VWA3B: variants seen among roughly 807,000 people sequenced by gnomAD.
VWA3B encodes the protein von Willebrand factor A domain containing 3B, also known as von Willebrand factor A domain-containing protein 3B.
Under a neutral mutation model 158.3 loss-of-function variants are expected in VWA3B, and 138 were observed. That is an observed-to-expected ratio of 0.87 (90% confidence interval 0.76 to 1.00). The LOEUF (loss-of-function observed/expected upper bound fraction) is 1.00. VWA3B is among the 50% of genes least tolerant of loss of function. The probability of loss-of-function intolerance (pLI) is 0.00; values close to 1 mark genes in which losing one functional copy is unlikely to be tolerated. For missense variants in VWA3B, 1,555 were observed against 1,565.1 expected (o/e 0.99, Z 0.11); for synonymous variants, 596 against 587.3 (o/e 1.01, Z -0.21).
At chr2:98,299,700 T>G (rs1690056002) in intron 24 of VWA3B, among the ~76,000 whole-genome samples, 1 of 152,220 alleles carries the variant, frequency 6.6e-6, no homozygotes, top group Non-Finnish European at 1.5e-5. Context: ...ACCTCTCCCT[T>G]TCTACGTCTT....
chr2:98,161,238 C>T (rs1424732014), intron 7 of VWA3B, among the ~76,000 whole-genome samples: 2 of 152,268 alleles, frequency 1.3e-5, no homozygotes, highest in Non-Finnish European at 2.9e-5. Context: ...CACCCAGATA[C>T]ACTCCCTTGC....
chr2:98,152,111 C>T (rs1041559271), intron 7 of VWA3B, among the ~76,000 whole-genome samples: 1 of 152,160 alleles, frequency 6.6e-6, no homozygotes, highest in African/African-American at 2.4e-5. Flanking sequence ...TAGGAGTAGG[C>T]CGCAGGGGCC....
intron 22 of VWA3B, among the ~76,000 whole-genome samples, chr2:98,272,873 C>T (rs912227766): frequency 6.6e-6 from 1 of 152,124 alleles, no homozygotes; most frequent in African/African-American, 2.4e-5. Context: ...TAAAGGAATT[C>T]CTTTTTAAAG....
rs762107518 is a variant in VWA3B, at chr2:98,303,736, G to A, written c.3455G>A (p.Ser1152Asn). The A allele has an allele frequency of 1.9e-6, 3 of 1,614,140 alleles. No homozygotes were observed. Among genetic ancestry groups the A allele is most frequent in the Admixed American group, 1.7e-5 (1 of 60,020 alleles). Residue 1152 changes from serine (S) to asparagine (N), a missense_variant, in exon 26 of 28, where the codon AGC becomes AAC. Physicochemically the swap from Ser to Asn is conservative, Grantham distance 46. Transcript: ENST00000477737. The stretch of plus-strand genomic sequence containing the variant: ...CCTCGGAGTGCACTTATTAAGATCA[G>A]CCAAAACAAGTATGCGCTCTCTTGC... Reference protein sequence around the residue: ...FCPRSALIKISQNKYALSCSH... With the variant: ...FCPRSALIKINQNKYALSCSH...
intron 2 of VWA3B, among the ~76,000 whole-genome samples, chr2:98,099,071 T>C (rs1478660694): frequency 6.6e-6 from 1 of 152,212 alleles, no homozygotes; most frequent in Non-Finnish European, 1.5e-5. Context: ...TAGTTATTAT[T>C]ATTAATAGTT....
At position 98,162,967 on chromosome 2, in the gene VWA3B, G is replaced by T. The variant is rs1330929221; in HGVS notation, c.1105G>T (p.Val369Leu). The T allele has an allele frequency of 4.3e-5, 69 of 1,614,030 alleles. No homozygotes were observed. The highest frequency in any genetic ancestry group is 5.5e-5 in the Non-Finnish European group (65 of 1,180,036). ...AEPPKPDVAT[V>L]DCESETTSVE... ...GCCTCCCAAGCCCGACGTGGCCACT[G>T]TGGACTGCGGTTGGTGCTATTTCTG... is the stretch of plus-strand genomic sequence containing the variant. Residue 369 changes from valine (V) to leucine (L), a missense_variant, in exon 8 of 28, where the codon GTG becomes TTG. By Grantham distance (32) the Val-to-Leu change is conservative. Transcript: ENST00000477737.
In VWA3B at chr2:98,187,656, CTCTGTG is replaced by C. The variant is rs1489419555; in HGVS notation, c.1312-311_1312-306del. 1.7e-3 allele frequency among the ~76,000 whole-genome samples: 214 copies of C among 125,394 alleles called. 1 individual carries two copies. Among genetic ancestry groups the C allele is most frequent in the African/African-American group, 6.5e-3 (202 of 30,866 alleles). The allele number at this position is 125,394 out of a possible 152,430, so 82.3% of individuals were successfully genotyped here. A position where few individuals can be genotyped will look rare whatever the true frequency, so the allele number is the denominator to read the frequency against. On this transcript the variant is annotated intron_variant, in intron 9 of 27. Coordinates refer to ENST00000477737, the MANE Select transcript of VWA3B (RefSeq NM_144992.5). ...TCTCTCTCTCCCTCTCCCTCTCCGT[CTCTGTG>C]TCTGTGTGTGTGTGTGTGTGTGTGT...
chr2:98,317,993 A>G (rs2106039646), downstream of VWA3B, among the ~76,000 whole-genome samples: 1 of 152,364 alleles, frequency 6.6e-6, no homozygotes, highest in East Asian at 1.9e-4. Flanking sequence ...TGATATCTGT[A>G]TGGTTAAAAT....
At position 98,119,555 on chromosome 2, in the gene VWA3B, T is replaced by G. The variant is rs780648171; in HGVS notation, c.334T>G (p.Leu112Val). The G allele has an allele frequency of 6.2e-7, 1 of 1,614,106 alleles. No individual in the cohort carries two copies. The highest frequency in any genetic ancestry group is 1.7e-5 in the Admixed American group (1 of 60,028). Residue 112 changes from leucine to valine, a missense_variant, in exon 4 of 28, where the codon TTA (leucine) becomes GTA (valine). Physicochemically the swap from Leu to Val is conservative, Grantham distance 32 (BLOSUM62 1). Transcript: ENST00000477737. ...SELIYQFVEH[L>V]TQAVESYKQR... ...ACTGATTTATCAGTTTGTGGAACATTTAACACAAGCTGTGGAGAGCTACAA... is the reference window on the plus strand; with the variant it reads ...ACTGATTTATCAGTTTGTGGAACATGTAACACAAGCTGTGGAGAGCTACAA...
intron 21 of VWA3B, among the ~76,000 whole-genome samples, chr2:98,268,612 A>C (rs1574241958): frequency 6.7e-6 from 1 of 149,120 alleles, no homozygotes; most frequent in Admixed American, 6.7e-5. Context: ...GTTTTCTTTT[A>C]GCTCATTGAG....
chr2:98,088,020 C>T (rs1353147297), intron 1 of VWA3B, among the ~76,000 whole-genome samples: 4 of 152,170 alleles, frequency 2.6e-5, no homozygotes, highest in East Asian at 1.9e-4. Context: ...ATCCTTGTCT[C>T]TGTCCACATT....
chr2:98,194,345 T>C lies in VWA3B; in HGVS notation c.1606-16T>C, dbSNP rs761172168. On this transcript the variant is annotated splice_polypyrimidine_tract_variant and intron_variant, in intron 11 of 27. Transcript: ENST00000477737. Reference sequence around the variant, plus strand: ...TCTGAGTGGTTTTATGGTTAAATAATCATTGTCTCTTTTAGGAACAGCTGA... The same window carrying C: ...TCTGAGTGGTTTTATGGTTAAATAACCATTGTCTCTTTTAGGAACAGCTGA... 1.6e-5 allele frequency: 25 copies of C among 1,611,414 alleles called. No homozygotes were observed. The Middle Eastern group carries it at 8.3e-4, about 53-fold the overall frequency.
intron 12 of VWA3B, among the ~76,000 whole-genome samples, chr2:98,195,276 C>T (rs1254973396): frequency 6.6e-6 from 1 of 152,022 alleles, no homozygotes; most frequent in Non-Finnish European, 1.5e-5. Flanking sequence ...AGCAAGTCTC[C>T]GTATCTTTTC....
At chr2:98,282,085 C>T (rs1688909236) in intron 22 of VWA3B, among the ~76,000 whole-genome samples, 1 of 152,172 alleles carries the variant, frequency 6.6e-6, no homozygotes, top group African/African-American at 2.4e-5. Flanking sequence ...CTGTACGGCA[C>T]CCCGAAGTCT....
At chr2:98,220,967 G>C (rs938846305) in intron 14 of VWA3B, among the ~76,000 whole-genome samples, 8 of 152,124 alleles carry the variant, frequency 5.3e-5, no homozygotes, top group African/African-American at 1.7e-4. Context: ...CCTGGGGCCT[G>C]TCGGGGGCGG....
At position 98,192,322 on chromosome 2, in the gene VWA3B, G is replaced by A. The variant is rs111798934; in HGVS notation, c.1467-576G>A. The A allele has an allele frequency of 4.8e-3, 745 of 155,066 alleles. 5 individuals carry two copies. The highest frequency in any genetic ancestry group is 0.017 in the African/African-American group (705 of 41,560). The allele number at this position is 155,066 out of a possible 1,614,324, so 9.6% of individuals were successfully genotyped here. A position where few individuals can be genotyped will look rare whatever the true frequency, so the allele number is the denominator to read the frequency against. On this transcript the variant is annotated intron_variant, in intron 10 of 27. Transcript: ENST00000477737. ...TGCAGGCGGGCTGAGTCTGAAAAGA[G>A]AGTCAGCAAAGGGAGATAAGGTTGG...
chr2:98,126,923 G>T (rs1253871523), intron 5 of VWA3B, among the ~76,000 whole-genome samples: 1 of 151,674 alleles, frequency 6.6e-6, no homozygotes. Context: ...TCCATCTGCT[G>T]CAGGCAGAGC....
intron 1 of VWA3B, among the ~76,000 whole-genome samples, chr2:98,092,119 A>C (rs933636319): frequency 6.6e-6 from 1 of 152,248 alleles, no homozygotes; most frequent in African/African-American, 2.4e-5. Context: ...AAGTGGATAC[A>C]TGTATTCCAG....
In VWA3B at chr2:98,129,224, A is replaced by AGAGT. The variant is rs1370543551; in HGVS notation, c.872+817_872+818insAGTG. Among the ~76,000 whole-genome samples, 833 of 124,622 alleles carry AGAGT rather than the reference A, an allele frequency of 6.7e-3. 5 individuals carry two copies. The highest frequency in any genetic ancestry group is 0.019 in the African/African-American group (594 of 30,782). The allele number at this position is 124,622 out of a possible 152,430, so 81.8% of individuals were successfully genotyped here. A position where few individuals can be genotyped will look rare whatever the true frequency, so the allele number is the denominator to read the frequency against. On this transcript the variant is annotated intron_variant, in intron 6 of 27. Coordinates refer to ENST00000477737, the MANE Select transcript of VWA3B (RefSeq NM_144992.5). Reference sequence around the variant, plus strand: ...AGAGAGAGGAGAGAGAGAGAGAGAGAGTGTGTGTGTGTGTGTGTGTGTGTG... The same window carrying AGAGT: ...AGAGAGAGGAGAGAGAGAGAGAGAGAGAGTGTGTGTGTGTGTGTGTGTGTGTGTG...
Sources: gnomAD v4.1 joint callset for allele counts (sites outside exome capture counted in the v4.1 genomes callset) on GRCh38, gnomAD v4.1.1 for gene constraint, MANE v1.5 for transcripts, NCBI Gene and HGNC (gene_info 2026-07-23, HGNC 2026-07-21) for gene names.